The following CTNND1 variants were observed in gnomAD, a reference collection of about 807,000 sequenced individuals.
The protein encoded by CTNND1 is catenin delta-1.
CTNND1 carries 16 observed loss-of-function variants against 112.1 expected under a neutral mutation model. The observed-to-expected ratio is 0.14, with a 90% CI of 0.10 to 0.22. The LOEUF is 0.22. CTNND1 is among the 10% of genes least tolerant of loss of function. The pLI, the probability that CTNND1 is intolerant of heterozygous loss-of-function variation, is 1.00. For synonymous variants in CTNND1, 420 were observed against 446.5 expected (o/e 0.94, Z 0.75); for missense variants, 1,008 against 1,257.0 (o/e 0.80, Z 3.00).
At chr11:57,811,192 A>C (rs1348698392) in intron 16 of CTNND1, among the ~76,000 whole-genome samples, 2 of 152,016 alleles carry the variant, frequency 1.3e-5, no homozygotes, top group African/African-American at 4.8e-5. Flanking sequence ...CAATATTTGG[A>C]TCCTTTGTAA....
intron 1 of CTNND1, among the ~76,000 whole-genome samples, chr11:57,769,170 CTGGGCATGG>C (rs1951904090): frequency 6.6e-6 from 1 of 151,722 alleles, no homozygotes; most frequent in Admixed American, 6.6e-5. Flanking sequence ...AAAAAATTAG[CTGGGCATGG>C]TGGTGCATGC....
intron 1 of CTNND1, among the ~76,000 whole-genome samples, chr11:57,770,174 A>G (rs1190298438): frequency 6.6e-6 from 1 of 151,750 alleles, no homozygotes; most frequent in African/African-American, 2.4e-5. Context: ...TACTAAAAAT[A>G]CAAAAATTAG....
At chr11:57,805,001 C>A (rs754142430) in intron 9 of CTNND1, among the ~76,000 whole-genome samples, 5 of 152,168 alleles carry the variant, frequency 3.3e-5, no homozygotes, top group Non-Finnish European at 5.9e-5. Flanking sequence ...TGGGTTCAAG[C>A]GATTCTCATG....
chr11:57,809,458 C>A lies in CTNND1; in HGVS notation c.2427C>A (p.Asn809Lys), dbSNP rs2063072039. The change falls in exon 15 of 21, where the codon AAC becomes AAA. Residue 809 changes from asparagine (N) to lysine (K), a missense_variant. Coordinates refer to ENST00000399050, the MANE Select transcript of CTNND1 (RefSeq NM_001085458.2). Reference protein sequence around the residue: ...TQGIEKLVLINKSGNRSEKEV... With the variant: ...TQGIEKLVLIKKSGNRSEKEV... ...GTATTGAGAAGCTGGTGTTGATCAA[C>A]AAATCAGGGTGAGCTTACCACCTAA... 1 of 1,610,432 alleles carries A rather than the reference C, an allele frequency of 6.2e-7. No individual in the cohort carries two copies. Among genetic ancestry groups the A allele is most frequent in the African/African-American group, 1.3e-5 (1 of 75,020 alleles).
chr11:57,803,948 C>T, intron 8 of CTNND1, 144 bp downstream of exon 8: 2 of 582,716 alleles, frequency 3.4e-6, no homozygotes, highest in Non-Finnish European at 5.7e-6. Flanking sequence ...TCCAACCTTT[C>T]TATCTTTGTT....
At chr11:57,767,836 CTT>C (rs796841505) in intron 1 of CTNND1, among the ~76,000 whole-genome samples, 21 of 140,798 alleles carry the variant, frequency 1.5e-4, no homozygotes, top group Admixed American at 1.4e-4. Flanking sequence ...CCTTGAAGGT[CTT>C]TTTTTTTTTT....
At position 57,791,585 on chromosome 11, in the gene CTNND1, A is replaced by C. The variant is rs1271578696; in HGVS notation, c.107A>C (p.His36Pro). Reference sequence around the variant, plus strand: ...CGGGCGCTGGAGGAGGAACGGCGCCACGTCTCGGCGCAGCTGGAACGCGTC... The same window carrying C: ...CGGGCGCTGGAGGAGGAACGGCGCCCCGTCTCGGCGCAGCTGGAACGCGTC... ...LTRALEEERR[H>P]VSAQLERVRV... The change falls in exon 3 of 21, where the codon CAC becomes CCC. Residue 36 changes from histidine to proline, a missense_variant. Physicochemically the swap from His to Pro is moderately conservative, Grantham distance 77. Coordinates refer to ENST00000399050, the MANE Select transcript of CTNND1 (RefSeq NM_001085458.2). 2.5e-6 allele frequency: 4 copies of C among 1,611,612 alleles called. No homozygotes were observed. The highest frequency in any genetic ancestry group is 1.7e-5 in the Admixed American group (1 of 59,538).
intron 9 of CTNND1, 45 bp from the exon 10 acceptor site, chr11:57,805,837 A>T: frequency 6.3e-7 from 1 of 1,592,498 alleles, no homozygotes; most frequent in Non-Finnish European, 8.6e-7. Context: ...TGGAGAAATC[A>T]CAATAGACAT....
intron 1 of CTNND1, among the ~76,000 whole-genome samples, chr11:57,773,576 T>G (rs1452165505): frequency 1.3e-5 from 2 of 151,278 alleles, no homozygotes; most frequent in Non-Finnish European, 2.9e-5. Flanking sequence ...CTCAGCCTCC[T>G]GAGTAGCTGG....
intron 1 of CTNND1, among the ~76,000 whole-genome samples, chr11:57,762,699 A>G (rs531867889): frequency 2.6e-5 from 4 of 152,148 alleles, no homozygotes; most frequent in African/African-American, 9.6e-5. Context: ...TTCTCCTGCT[A>G]GATGTAGTCT....
intron 4 of CTNND1, among the ~76,000 whole-genome samples, chr11:57,795,003 A>G (rs1170842485): frequency 6.6e-6 from 1 of 151,832 alleles, no homozygotes; most frequent in Non-Finnish European, 1.5e-5. Context: ...GTTCAAGACC[A>G]GCCTGGGCAA....
chr11:57,815,556 A>G (rs375705160), intron 19 of CTNND1, 56 bp downstream of exon 19: 14 of 1,400,792 alleles, frequency 1.0e-5, no homozygotes, highest in African/African-American at 5.7e-5. Flanking sequence ...TTTGAAGCCT[A>G]TGTGTTTTGT....
chr11:57,773,450 A>G (rs1216067171), intron 1 of CTNND1, among the ~76,000 whole-genome samples: 1 of 144,484 alleles, frequency 6.9e-6, no homozygotes, highest in Non-Finnish European at 1.5e-5. Flanking sequence ...ACCTGAGATT[A>G]TGTTTTTTTT....
intron 1 of CTNND1, among the ~76,000 whole-genome samples, chr11:57,780,071 T>TTTTTTGGG (rs58673483): frequency 2.3e-5 from 3 of 129,194 alleles, no homozygotes; most frequent in Non-Finnish European, 1.6e-5. Flanking sequence ...TTTTTTTTTT[T>TTTTTTGGG]GAGACAGGGT....
intron 1 of CTNND1, among the ~76,000 whole-genome samples, chr11:57,770,762 A>G (rs930219958): frequency 1.3e-5 from 2 of 152,240 alleles, no homozygotes; most frequent in African/African-American, 4.8e-5. Context: ...AGACATTGTT[A>G]TAGAAACTAG....
intron 4 of CTNND1, among the ~76,000 whole-genome samples, chr11:57,794,765 A>G (rs2061168683): frequency 6.6e-6 from 1 of 151,082 alleles, no homozygotes. Flanking sequence ...AGCCTGGGCA[A>G]CAAGAGCAAA....
chr11:57,784,040 C>T (rs2059885008), intron 1 of CTNND1, among the ~76,000 whole-genome samples: 2 of 151,898 alleles, frequency 1.3e-5, no homozygotes, highest in South Asian at 2.1e-4. Flanking sequence ...CCACCTCAGC[C>T]TCCTGAGTAG....
In CTNND1 at chr11:57,809,500, ATTT is replaced by A. The variant is rs540588311; in HGVS notation, c.2435+35_2435+37del. The stretch of plus-strand genomic sequence containing the variant: ...ACCACCTAAAATTACAGTCAAAAGA[ATTT>A]GAGTGAGTGGAGAGTTGTTTTCCTC... On this transcript the variant is annotated intron_variant, in intron 15 of 20. Transcript: ENST00000399050. 8.6e-5 allele frequency: 134 copies of A among 1,563,542 alleles called. 1 individual carries two copies. The South Asian group carries it at 1.4e-3, about 17-fold the overall frequency.
Position 57,788,219 on chromosome 11 carries a change from T to C in CTNND1, c.-213-818T>C, listed in dbSNP as rs552372995. On this transcript the variant is annotated intron_variant, in intron 1 of 20. Coordinates refer to ENST00000399050, the MANE Select transcript of CTNND1 (RefSeq NM_001085458.2). This position sits in a 1 kb window ranked among gnomAD's most constrained non-coding sequence, Gnocchi z 4.1. ...AAATGGAGATGAAAGGGGAGCACCT[T>C]TTTTTTTAAAATAAGGGTGCTTATT... 3.3e-5 allele frequency among the ~76,000 whole-genome samples: 5 copies of C among 151,870 alleles called. No homozygotes were observed. Among genetic ancestry groups the C allele is most frequent in the African/African-American group, 1.2e-4 (5 of 41,396 alleles).
Sources: gnomAD v4.1 joint callset for allele counts (sites outside exome capture counted in the v4.1 genomes callset) on GRCh38, gnomAD v4.1.1 for gene constraint, Gnocchi (gnomAD v3.1) non-coding constraint, MANE v1.5 for transcripts, NCBI Gene and HGNC (gene_info 2026-07-23, HGNC 2026-07-21) for gene names.